TMEM132D: variants seen among roughly 807,000 people sequenced by gnomAD.
TMEM132D encodes mature OL transmembrane protein.
Under a neutral mutation model 62.3 loss-of-function variants are expected in TMEM132D, and 21 were observed. That is an observed-to-expected ratio of 0.34 (90% confidence interval 0.24 to 0.49). The LOEUF is 0.49. Ranked by LOEUF, TMEM132D falls within the 20% of genes least tolerant of loss-of-function variation. The pLI is 0.99. For missense variants in TMEM132D, 1,346 were observed against 1,402.8 expected (o/e 0.96, Z 0.65); for synonymous variants, 621 against 575.6 (o/e 1.08, Z -1.13).
intron 5 of TMEM132D, among the ~76,000 whole-genome samples, chr12:129,119,900 AG>A (rs1876004708): frequency 6.6e-6 from 1 of 152,192 alleles, no homozygotes; most frequent in Admixed American, 6.5e-5. Flanking sequence ...GGGTGCTGGC[AG>A]GAGGGGAAGG....
chr12:129,793,073 CTTT>C (rs34199090), intron 1 of TMEM132D, among the ~76,000 whole-genome samples: 36 of 141,064 alleles, frequency 2.6e-4, no homozygotes, highest in Admixed American at 9.3e-4. Flanking sequence ...GCTTTTTATT[CTTT>C]TTTTTTTTTT....
chr12:129,832,734 A>C (rs1872881716), intron 1 of TMEM132D, among the ~76,000 whole-genome samples: 1 of 152,148 alleles, frequency 6.6e-6, no homozygotes, highest in Admixed American at 6.6e-5. Context: ...TCCGCCCGTC[A>C]CTGTTGCCAC....
In TMEM132D at chr12:129,074,104, ATGATGGGTCCCAAAG is replaced by A. The variant is rs1367986697; in HGVS notation, c.3056_3070del (p.Pro1019_Ile1024delinsLeu). The A allele has an allele frequency of 1.9e-6, 3 of 1,613,942 alleles. No individual in the cohort carries two copies. Among genetic ancestry groups the A allele is most frequent in the East Asian group, 2.2e-5 (1 of 44,884 alleles). ...ACTTTTCTGATCTTTCCCATCAATG[ATGATGGGTCCCAAAG>A]GTTTGAACAGCTGCCCATTGATGCT... On this transcript the variant is annotated inframe_deletion, in exon 9 of 9. Coordinates refer to ENST00000422113, the MANE Select transcript of TMEM132D (RefSeq NM_133448.3).
At chr12:129,088,484 C>A (rs1302892763) in intron 5 of TMEM132D, among the ~76,000 whole-genome samples, 1 of 39,220 alleles carries the variant, frequency 2.5e-5, no homozygotes, top group Non-Finnish European at 4.2e-5. Flanking sequence ...CCTCCATGAC[C>A]GGGTGTCCTC....
intron 3 of TMEM132D, among the ~76,000 whole-genome samples, chr12:129,420,259 T>C (rs1872262038): frequency 6.7e-6 from 1 of 148,592 alleles, no homozygotes; most frequent in Non-Finnish European, 1.5e-5. Flanking sequence ...TCTCTAAGTA[T>C]CCCAAACAAC....
chr12:129,157,122 T>A (rs1877270476), intron 5 of TMEM132D, among the ~76,000 whole-genome samples: 1 of 152,064 alleles, frequency 6.6e-6, no homozygotes, highest in South Asian at 2.1e-4. Context: ...CCCACTTCTA[T>A]GATAGCTAAC....
At chr12:129,822,913 C>T (rs778158573) in intron 1 of TMEM132D, among the ~76,000 whole-genome samples, 4 of 152,256 alleles carry the variant, frequency 2.6e-5, no homozygotes, top group Non-Finnish European at 5.9e-5. Flanking sequence ...TTTGGCTCTG[C>T]GTTCCCACTT....
chr12:129,244,350 C>T (rs1398972996), intron 4 of TMEM132D, among the ~76,000 whole-genome samples: 1 of 144,840 alleles, frequency 6.9e-6, no homozygotes, highest in East Asian at 2.1e-4. Context: ...CGCGCCACTG[C>T]ACTCCAGCCT....
At chr12:129,772,053 C>T (rs780134671) in intron 1 of TMEM132D, among the ~76,000 whole-genome samples, 18 of 151,866 alleles carry the variant, frequency 1.2e-4, no homozygotes, top group Admixed American at 6.6e-4. Context: ...AGAACTTGCC[C>T]AGAGGTATGC....
chr12:129,605,273 A>G (rs1214317401), intron 2 of TMEM132D, among the ~76,000 whole-genome samples: 2 of 152,150 alleles, frequency 1.3e-5, no homozygotes, highest in African/African-American at 2.4e-5. Context: ...TTGTGGGGAC[A>G]TTAGTTTTAC....
chr12:129,587,972 C>A (rs1203729836), intron 2 of TMEM132D, among the ~76,000 whole-genome samples: 1 of 152,180 alleles, frequency 6.6e-6, no homozygotes, highest in East Asian at 1.9e-4. Flanking sequence ...CAGACCTGAG[C>A]TCCTCCTGGA....
rs549289195 is a variant in TMEM132D at position 129,089,250 on chromosome 12, C to T, written c.1444-4548G>A. On this transcript the variant is annotated intron_variant, in intron 5 of 8. Coordinates refer to ENST00000422113, the MANE Select transcript of TMEM132D (RefSeq NM_133448.3). ...TCTATGACCGGGTGTCCTCCCTGAC[C>T]GGGTGTCCTCCATGACCGGGATGTC... Among the ~76,000 whole-genome samples the T allele has an allele frequency of 3.3e-4, 12 of 36,088 alleles. 4 individuals are homozygous for T. The South Asian group carries it at 8.7e-3, about 26-fold the overall frequency. The allele number at this position is 36,088 out of a possible 152,430, so 23.7% of individuals were successfully genotyped here. A position where few individuals can be genotyped will look rare whatever the true frequency, so the allele number is the denominator to read the frequency against.
chr12:129,859,730 A>G (rs1260262213), intron 1 of TMEM132D, among the ~76,000 whole-genome samples: 1 of 152,188 alleles, frequency 6.6e-6, no homozygotes, highest in Non-Finnish European at 1.5e-5. Context: ...TTCCTGCCCC[A>G]GACTCCAGGT....
At chr12:129,604,448 A>G (rs1878562629) in intron 2 of TMEM132D, among the ~76,000 whole-genome samples, 1 of 152,172 alleles carries the variant, frequency 6.6e-6, no homozygotes, top group African/African-American at 2.4e-5. Context: ...AAGGTGCTAT[A>G]AACATCCCGG....
intron 5 of TMEM132D, among the ~76,000 whole-genome samples, chr12:129,105,059 C>T (rs201128915): frequency 3.2e-5 from 4 of 126,790 alleles, no homozygotes; most frequent in Non-Finnish European, 6.5e-5. Flanking sequence ...ACCCAAAGGA[C>T]TATAAATCAT....
At chr12:129,374,269 CAGAG>C (rs35178347) in intron 3 of TMEM132D, among the ~76,000 whole-genome samples, 10 of 144,370 alleles carry the variant, frequency 6.9e-5, no homozygotes, top group South Asian at 2.3e-4. Context: ...CCTCACACAT[CAGAG>C]AGAGAGAGAG....
At chr12:129,235,870 AC>A (rs946294863) in intron 4 of TMEM132D, among the ~76,000 whole-genome samples, 6 of 152,140 alleles carry the variant, frequency 3.9e-5, no homozygotes, top group Admixed American at 6.6e-5. Flanking sequence ...ATTAAAAAAA[AC>A]ATTTCTATGA....
chr12:129,533,835 C>T (rs532931433), intron 2 of TMEM132D, among the ~76,000 whole-genome samples: 1 of 152,184 alleles, frequency 6.6e-6, no homozygotes, highest in Non-Finnish European at 1.5e-5. Context: ...TAATAGAACA[C>T]ACATTTCTAG....
At chr12:129,515,442 C>G (rs1875644852) in intron 3 of TMEM132D, among the ~76,000 whole-genome samples, 1 of 152,150 alleles carries the variant, frequency 6.6e-6, no homozygotes. Flanking sequence ...CCCTTCTGGC[C>G]TTATAAAATC....
Sources: gnomAD v4.1 joint callset for allele counts (sites outside exome capture counted in the v4.1 genomes callset) on GRCh38, gnomAD v4.1.1 for gene constraint, MANE v1.5 for transcripts, NCBI Gene and HGNC (gene_info 2026-07-23, HGNC 2026-07-21) for gene names.